TANGO6: variants seen among roughly 807,000 people sequenced by gnomAD.
TANGO6 encodes the protein transport and Golgi organization protein 6 homolog.
A neutral mutation model predicts 114.2 loss-of-function variants in TANGO6; 90 were observed. The observed-to-expected ratio is 0.79, with a 90% confidence interval of 0.66 to 0.94. TANGO6 has a LOEUF of 0.94. Among genes scored for constraint, TANGO6 ranks in the 40% least tolerant of loss-of-function variants. The pLI is 0.00. For synonymous variants in TANGO6, 477 were observed against 509.8 expected (o/e 0.94, Z 0.87); for missense variants, 1,274 against 1,315.3 (o/e 0.97, Z 0.49).
rs1963834215 is a variant in TANGO6 at position 68,981,288 on chromosome 16, G to A, written c.2842+7120G>A. Among the ~76,000 whole-genome samples the A allele has an allele frequency of 2.5e-5, 3 of 120,540 alleles. No homozygotes were observed. The Admixed American group carries it at 3.4e-4, about 14-fold the overall frequency. 79.1% of individuals were successfully genotyped at this position (120,540 alleles called of 152,430 possible). A position where few individuals can be genotyped will look rare whatever the true frequency, so the allele number is the denominator to read the frequency against. ...TATAGTGGTGTGGTCTCAGCTCATT[G>A]CAACCTCTGCCTTCCGGGTTCAAGC... On this transcript the variant is annotated intron_variant, in intron 15 of 17. Coordinates refer to ENST00000261778, the MANE Select transcript of TANGO6 (RefSeq NM_024562.2).
intron 17 of TANGO6, among the ~76,000 whole-genome samples, chr16:69,061,752 G>A (rs142956456): frequency 1.7e-3 from 264 of 152,182 alleles, no homozygotes; most frequent in African/African-American, 5.7e-3. Flanking sequence ...GCGCGCGGTG[G>A]CTCACGCCTG....
At chr16:68,997,927 T>C (rs889219584) in intron 15 of TANGO6, among the ~76,000 whole-genome samples, 1 of 152,204 alleles carries the variant, frequency 6.6e-6, no homozygotes, top group African/African-American at 2.4e-5. Context: ...TAGGGTCTCT[T>C]GTATTCAAGG....
chr16:68,917,223 CT>C (rs1449408318), intron 11 of TANGO6, among the ~76,000 whole-genome samples: 2 of 152,120 alleles, frequency 1.3e-5, no homozygotes, highest in Non-Finnish European at 2.9e-5. Flanking sequence ...TCCTCCATGT[CT>C]TTTCATAGCT....
At chr16:68,891,809 G>A (rs1001463305) in intron 7 of TANGO6, among the ~76,000 whole-genome samples, 12 of 150,002 alleles carry the variant, frequency 8.0e-5, no homozygotes, top group African/African-American at 3.0e-4. Flanking sequence ...AAAGAAGGAA[G>A]GGAAGGACGG....
At chr16:68,894,587 T>G (rs746510952) in intron 7 of TANGO6, among the ~76,000 whole-genome samples, 7 of 152,084 alleles carry the variant, frequency 4.6e-5, no homozygotes, top group Non-Finnish European at 7.4e-5. Flanking sequence ...GCTGGCATAC[T>G]GACTCTGAGG....
At chr16:68,995,873 C>A (rs1435197329) in intron 15 of TANGO6, among the ~76,000 whole-genome samples, 1 of 152,062 alleles carries the variant, frequency 6.6e-6, no homozygotes, top group African/African-American at 2.4e-5. Flanking sequence ...GGGATGAGCC[C>A]CTTCTAAATT....
chr16:69,076,238 C>T (rs1453152332), intron 17 of TANGO6, among the ~76,000 whole-genome samples: 1 of 149,484 alleles, frequency 6.7e-6, no homozygotes, highest in Non-Finnish European at 1.5e-5. Context: ...ATTACAGGCA[C>T]CCACCACCAC....
intron 17 of TANGO6, among the ~76,000 whole-genome samples, chr16:69,081,500 C>T (rs1960465091): frequency 6.6e-6 from 1 of 151,722 alleles, no homozygotes; most frequent in Non-Finnish European, 1.5e-5. Flanking sequence ...CGTGCCACCA[C>T]ACCTGCTAAT....
At chr16:68,860,608 G>A in intron 2 of TANGO6, 84 bp downstream of exon 2, 2 of 1,493,264 alleles carry the variant, frequency 1.3e-6, no homozygotes, top group African/African-American at 1.4e-5. Context: ...GTTATAAAAG[G>A]CAACTCTTAG....
intron 1 of TANGO6, chr16:68,846,377 T>C (rs988659965): frequency 4.9e-6 from 1 of 202,246 alleles, no homozygotes; most frequent in Non-Finnish European, 1.0e-5. Context: ...CAGTCTGTCA[T>C]GATAGGTTGT....
intron 15 of TANGO6, among the ~76,000 whole-genome samples, chr16:68,976,256 T>C (rs1412247249): frequency 6.6e-6 from 1 of 152,238 alleles, no homozygotes; most frequent in Non-Finnish European, 1.5e-5. Context: ...TTAATAACAC[T>C]TAACTCATAG....
intron 14 of TANGO6, among the ~76,000 whole-genome samples, chr16:68,945,931 C>T (rs538349650): frequency 4.6e-5 from 7 of 152,126 alleles, no homozygotes; most frequent in African/African-American, 7.2e-5. Flanking sequence ...GATGATCCCC[C>T]GCCTTGGCCT....
intron 11 of TANGO6, among the ~76,000 whole-genome samples, chr16:68,910,745 C>G (rs1019640630): frequency 2.0e-5 from 3 of 152,122 alleles, no homozygotes; most frequent in African/African-American, 7.2e-5. Flanking sequence ...GGCGCAGTCT[C>G]GGCTCACTGC....
intron 17 of TANGO6, among the ~76,000 whole-genome samples, chr16:69,069,719 T>C (rs962812941): frequency 6.6e-6 from 1 of 152,148 alleles, no homozygotes; most frequent in Non-Finnish European, 1.5e-5. Flanking sequence ...TAGGATTGTG[T>C]GGAATGTAGC....
At chr16:69,023,182 A>C (rs1048481551) in intron 16 of TANGO6, among the ~76,000 whole-genome samples, 16 of 152,078 alleles carry the variant, frequency 1.1e-4, no homozygotes, top group Non-Finnish European at 7.4e-5. Flanking sequence ...AGGGCCGGGC[A>C]TGGTGGCTTG....
At chr16:68,890,722 T>TA (rs1262655595) in intron 7 of TANGO6, among the ~76,000 whole-genome samples, 1 of 151,768 alleles carries the variant, frequency 6.6e-6, no homozygotes, top group Non-Finnish European at 1.5e-5. Context: ...CTGTCTTTAC[T>TA]AAAAATGCAA....
intron 14 of TANGO6, among the ~76,000 whole-genome samples, chr16:68,958,505 AAGAG>A (rs547265799): frequency 6.8e-5 from 10 of 146,122 alleles, no homozygotes; most frequent in Admixed American, 2.0e-4. Context: ...AAAAAAAAAA[AAGAG>A]AGAGGAAGGA....
intron 1 of TANGO6, among the ~76,000 whole-genome samples, chr16:68,847,777 A>G (rs1006888847): frequency 2.0e-5 from 3 of 152,114 alleles, no homozygotes; most frequent in Admixed American, 6.6e-5. Flanking sequence ...TGGCGGGTGG[A>G]TCTCCCGAGG....
chr16:68,858,065 A>AG (rs1555519975), intron 1 of TANGO6, among the ~76,000 whole-genome samples: 1 of 143,574 alleles, frequency 7.0e-6, no homozygotes, highest in Non-Finnish European at 1.5e-5. Flanking sequence ...CTCTCGGAAG[A>AG]TTTTTTTTTT....
Sources: gnomAD v4.1 joint callset for allele counts (sites outside exome capture counted in the v4.1 genomes callset) on GRCh38, gnomAD v4.1.1 for gene constraint, MANE v1.5 for transcripts, NCBI Gene and HGNC (gene_info 2026-07-23, HGNC 2026-07-21) for gene names.